Variants in CAPZA2 observed in about 807,000 individuals in gnomAD.
CAPZA2 encodes F-actin-capping protein subunit alpha-2.
A neutral mutation model predicts 44.0 loss-of-function variants in CAPZA2; 13 were observed. That is an observed-to-expected ratio of 0.30 (90% confidence interval 0.19 to 0.47). The LOEUF is 0.47. Among genes scored for constraint, CAPZA2 ranks in the 20% least tolerant of loss-of-function variants. CAPZA2 has a pLI of 1.00. For missense variants in CAPZA2, 244 were observed against 338.6 expected (o/e 0.72, Z 2.19); for synonymous variants, 94 against 108.2 (o/e 0.87, Z 0.81).
At chr7:116,865,274 C>T (rs929517005) in intron 1 of CAPZA2, among the ~76,000 whole-genome samples, 3 of 146,450 alleles carry the variant, frequency 2.0e-5, no homozygotes. Flanking sequence ...CAACCTCTGC[C>T]TCCGGGGCTG....
intron 1 of CAPZA2, chr7:116,880,066 G>A (rs1796672027): frequency 4.3e-6 from 2 of 466,418 alleles, no homozygotes; most frequent in Non-Finnish European, 8.9e-6. Flanking sequence ...TTTCTTCCCA[G>A]ACTAAGTCAG....
rs1333120786 is a variant in CAPZA2 at position 116,862,604 on chromosome 7, G to C, written c.-8G>C. On this transcript the variant is annotated 5_prime_UTR_variant, in exon 1 of 10. Transcript: ENST00000361183. ...CCGCCGCCGCCGCGGTTTGTCGCCA[G>C]AAGGAAGATGGCGGATCTGGAGGAG... 1 of 1,538,278 alleles carries C rather than the reference G, an allele frequency of 6.5e-7. No individual in the cohort carries two copies. The highest frequency in any genetic ancestry group is 8.8e-7 in the Non-Finnish European group (1 of 1,141,588).
intron 3 of CAPZA2, among the ~76,000 whole-genome samples, chr7:116,893,509 G>A (rs1034532328): frequency 6.6e-6 from 1 of 152,162 alleles, no homozygotes; most frequent in African/African-American, 2.4e-5. Context: ...ATATATCCTA[G>A]CCAGGGTAGG....
chr7:116,904,822 C>CTATTTTTA (rs1162267595), intron 5 of CAPZA2: 1 of 155,168 alleles, frequency 6.4e-6, no homozygotes, highest in Admixed American at 6.5e-5. Context: ...TAGGTTCAAC[C>CTATTTTTA]TATTTTTATA....
At chr7:116,884,654 TTGTC>T (rs1225349865) in intron 1 of CAPZA2, among the ~76,000 whole-genome samples, 1 of 152,172 alleles carries the variant, frequency 6.6e-6, no homozygotes, top group Non-Finnish European at 1.5e-5. Flanking sequence ...CATGGTTTAT[TTGTC>T]TGTTCACCCA....
chr7:116,890,551 T>A (rs192625000), intron 2 of CAPZA2, among the ~76,000 whole-genome samples: 1 of 13,184 alleles, frequency 7.6e-5, no homozygotes, highest in African/African-American at 2.4e-4. Context: ...TATATATATA[T>A]ATATATATAT....
intron 1 of CAPZA2, among the ~76,000 whole-genome samples, chr7:116,863,496 G>A (rs1796444458): frequency 6.6e-6 from 1 of 152,254 alleles, no homozygotes; most frequent in Non-Finnish European, 1.5e-5. Flanking sequence ...GGAACCAGAT[G>A]AACGACTTAA....
rs191832426 is a variant in CAPZA2, at chr7:116,883,093, C to T, written c.40-5034C>T. On this transcript the variant is annotated intron_variant, in intron 1 of 9. Transcript: ENST00000361183. ...GAAGATGGTGGATAAGGAAAAAAAA[C>T]ATTTAGCAGTGGGCCTAGAAATGTA... Among the ~76,000 whole-genome samples the T allele has an allele frequency of 3.0e-4, 46 of 152,258 alleles. 1 individual carries two copies. In the East Asian group the frequency reaches 8.7e-3, roughly 29 times the overall value.
chr7:116,908,810 A>T lies in CAPZA2; in HGVS notation c.507-1423A>T, dbSNP rs972590541. 5.9e-5 allele frequency among the ~76,000 whole-genome samples: 9 copies of T among 152,258 alleles called. No individual in the cohort carries two copies. The South Asian group carries it at 1.5e-3, about 25-fold the overall frequency. ...AACCTCCAAGTTATTTTTCCAACCA[A>T]CCTTCTTTGAAAAATCTTGGATGAG... On this transcript the variant is annotated intron_variant, in intron 6 of 9. Transcript: ENST00000361183.
At chr7:116,906,502 T>C in intron 6 of CAPZA2, 160 bp downstream of exon 6, 3 of 1,249,416 alleles carry the variant, frequency 2.4e-6, no homozygotes, top group Non-Finnish European at 3.2e-6. Flanking sequence ...GTAAATTTGC[T>C]CAACAGCCTA....
intron 6 of CAPZA2, among the ~76,000 whole-genome samples, chr7:116,908,636 AT>A (rs879585401): frequency 3.3e-5 from 5 of 151,130 alleles, no homozygotes; most frequent in African/African-American, 1.2e-4. Context: ...GTTTGGAATT[AT>A]TTTTTTTTCT....
chr7:116,884,472 ATTGT>A (rs1796736488), intron 1 of CAPZA2, among the ~76,000 whole-genome samples: 1 of 151,906 alleles, frequency 6.6e-6, no homozygotes, highest in Middle Eastern at 3.4e-3. Context: ...TTGCTCTAAT[ATTGT>A]TTATTTGAGA....
At chr7:116,916,032 A>G (rs756483021) in intron 8 of CAPZA2, 28 bp from the exon 9 acceptor site, 10 of 1,398,296 alleles carry the variant, frequency 7.2e-6, no homozygotes, top group South Asian at 6.8e-5. Flanking sequence ...TTAAATTACT[A>G]TTTTTATTTT....
At chr7:116,887,947 AT>A (rs1796785306) in intron 1 of CAPZA2, among the ~76,000 whole-genome samples, 179 bp from the exon 2 acceptor site, 1 of 152,240 alleles carries the variant, frequency 6.6e-6, no homozygotes, top group Non-Finnish European at 1.5e-5. Context: ...GTATGTTGTG[AT>A]TATATTAAAT....
chr7:116,903,342 G>C (rs1297737573), intron 4 of CAPZA2, among the ~76,000 whole-genome samples: 1 of 151,276 alleles, frequency 6.6e-6, no homozygotes, highest in African/African-American at 2.4e-5. Flanking sequence ...TTTTGGCTAA[G>C]ATCAAGTGTA....
At chr7:116,900,476 A>C (rs1796981733) in intron 4 of CAPZA2, among the ~76,000 whole-genome samples, 1 of 151,926 alleles carries the variant, frequency 6.6e-6, no homozygotes, top group African/African-American at 2.4e-5. Flanking sequence ...AGGATACAAA[A>C]CTCATGAGTT....
chr7:116,911,951 C>T (rs756167846), intron 7 of CAPZA2, 118 bp from the exon 8 acceptor site: 3 of 1,515,662 alleles, frequency 2.0e-6, no homozygotes, highest in Non-Finnish European at 2.7e-6. Context: ...TGGGGCTCAG[C>T]AGAGAAGTCT....
At position 116,909,163 on chromosome 7, in the gene CAPZA2, A is replaced by G. The variant is rs565334572; in HGVS notation, c.507-1070A>G. ...TTTGAATTAGGAAGACTCAACTTGT[A>G]CTATCATTCTATAGACTTTATGATT... is the stretch of plus-strand genomic sequence containing the variant. On this transcript the variant is annotated intron_variant, in intron 6 of 9. Transcript: ENST00000361183. 1.2e-4 allele frequency among the ~76,000 whole-genome samples: 18 copies of G among 152,286 alleles called. 1 individual carries two copies. The highest frequency in any genetic ancestry group is 3.9e-4 in the Admixed American group (6 of 15,304).
chr7:116,912,813 T>A (rs1260549363), intron 8 of CAPZA2, among the ~76,000 whole-genome samples: 1 of 152,224 alleles, frequency 6.6e-6, no homozygotes, highest in Non-Finnish European at 1.5e-5. Context: ...TTATTTTTGG[T>A]ATATACATAG....
Sources: gnomAD v4.1 joint callset for allele counts (sites outside exome capture counted in the v4.1 genomes callset) on GRCh38, gnomAD v4.1.1 for gene constraint, MANE v1.5 for transcripts, NCBI Gene and HGNC (gene_info 2026-07-23, HGNC 2026-07-21) for gene names.